ANPEP: variants seen among roughly 807,000 people sequenced by gnomAD.
The protein encoded by ANPEP is aminopeptidase N.
Under a neutral mutation model 114.6 loss-of-function variants are expected in ANPEP, and 70 were observed. That is an observed-to-expected ratio of 0.61 (90% CI 0.50 to 0.75). ANPEP has a LOEUF of 0.75. ANPEP is among the 30% of genes least tolerant of loss of function. The pLI is 0.00. For synonymous variants in ANPEP, 548 were observed against 522.3 expected, an observed-to-expected ratio of 1.05 and a Z score of -0.67; for missense variants, 1,184 against 1,259.5, an observed-to-expected ratio of 0.94 and a Z score of 0.91.
intron 1 of ANPEP, among the ~76,000 whole-genome samples, chr15:89,813,998 G>GGC (rs1555442963): frequency 6.7e-6 from 1 of 149,068 alleles, no homozygotes; most frequent in African/African-American, 2.5e-5. Context: ...TGCTGGGGGG[G>GGC]GGGGGTGCGT....
At chr15:89,812,457 G>C (rs1226289607) in intron 1 of ANPEP, among the ~76,000 whole-genome samples, 1 of 152,236 alleles carries the variant, frequency 6.6e-6, no homozygotes, top group East Asian at 1.9e-4. Flanking sequence ...CTTCCTCTGG[G>C]AGCCTTGGAC....
Position 89,790,511 on chromosome 15 carries a change from G to A in ANPEP, c.2700C>T (p.Asn900=). ...ATCGTCGTGTCACTGCCTGGATGAG[G>A]TTGGAGAAGGAGAACGAGCCACCAC... ...DYGGGSFSFS[N]LIQAVTRRFS... Residue 900 remains asparagine (N), a synonymous_variant, in exon 20 of 21, where the codon AAC becomes AAT. Coordinates refer to ENST00000300060, the MANE Select transcript of ANPEP (RefSeq NM_001150.3). 6.2e-7 allele frequency: 1 copy of A among 1,614,098 alleles called. No individual in the cohort carries two copies. Among genetic ancestry groups the A allele is most frequent in the South Asian group, 1.1e-5 (1 of 91,086 alleles).
In ANPEP at chr15:89,803,591, C is replaced by G; in HGVS notation, c.1437+56G>C. 1.2e-6 allele frequency: 2 copies of G among 1,601,122 alleles called. No individual in the cohort carries two copies. Among genetic ancestry groups the G allele is most frequent in the Non-Finnish European group, 1.7e-6 (2 of 1,173,564 alleles). On this transcript the variant is annotated intron_variant, in intron 8 of 20. Coordinates refer to ENST00000300060, the MANE Select transcript of ANPEP (RefSeq NM_001150.3). The surrounding 1 kb of genome is among the most constrained non-coding windows in gnomAD (Gnocchi z 4.2). ...CCCCAGACCCTGCCTTCAGTGAGGC[C>G]CCTCCAGGCCAAGTCCCCACCTCCT...
At chr15:89,785,841 T>G (rs779595351) in intron 20 of ANPEP, among the ~76,000 whole-genome samples, 68 of 152,056 alleles carry the variant, frequency 4.5e-4, no homozygotes, top group Non-Finnish European at 8.1e-4. Flanking sequence ...CCACAAATGA[T>G]CCAGTTGCTT....
In ANPEP at chr15:89,803,827, G is replaced by C. The variant is rs1894648517; in HGVS notation, c.1294-37C>G. 1 of 1,612,120 alleles carries C rather than the reference G, an allele frequency of 6.2e-7. No homozygotes were observed. Among genetic ancestry groups the C allele is most frequent in the African/African-American group, 1.3e-5 (1 of 75,002 alleles). On this transcript the variant is annotated intron_variant, in intron 7 of 20. Coordinates refer to ENST00000300060, the MANE Select transcript of ANPEP (RefSeq NM_001150.3). The surrounding 1 kb of genome is among the most constrained non-coding windows in gnomAD (Gnocchi z 4.2). ...CCAGGGCCATCAGGAGACTGGCCTG[G>C]TAGCGGTGGCCCAGGTCTCCCTCCA... is the stretch of plus-strand genomic sequence containing the variant.
chr15:89,808,492 G>C (rs1168936212), intron 1 of ANPEP, among the ~76,000 whole-genome samples: 1 of 152,242 alleles, frequency 6.6e-6, no homozygotes, highest in Non-Finnish European at 1.5e-5. Flanking sequence ...TCATTACTGA[G>C]ATGTTGAGTG....
At chr15:89,796,078 T>G (rs1218609264) in intron 15 of ANPEP, among the ~76,000 whole-genome samples, 1 of 152,166 alleles carries the variant, frequency 6.6e-6, no homozygotes, top group Non-Finnish European at 1.5e-5. Flanking sequence ...CAAAAGAGCA[T>G]GGTGGTGCAC....
At chr15:89,791,654 T>A (rs1317736687) in intron 18 of ANPEP, among the ~76,000 whole-genome samples, 1 of 151,008 alleles carries the variant, frequency 6.6e-6, no homozygotes, top group South Asian at 2.1e-4. Flanking sequence ...GGTTTCTCCA[T>A]GTTGGCCAGG....
At chr15:89,790,662 C>T (rs1391791516) in intron 19 of ANPEP, 121 bp from the exon 20 acceptor site, 2 of 915,480 alleles carry the variant, frequency 2.2e-6, no homozygotes, top group East Asian at 2.6e-5. Flanking sequence ...CCTGGGAGAC[C>T]CCACTAGGAT....
intron 12 of ANPEP, 57 bp downstream of exon 12, chr15:89,801,054 G>T: frequency 1.7e-5 from 25 of 1,506,842 alleles, no homozygotes; most frequent in East Asian, 2.3e-5. Flanking sequence ...CAGAACATGG[G>T]CCAGGAGCTA....
intron 1 of ANPEP, among the ~76,000 whole-genome samples, chr15:89,813,582 C>T (rs1302065492): frequency 2.0e-5 from 3 of 152,156 alleles, no homozygotes; most frequent in African/African-American, 7.2e-5. Context: ...GGGCCCAGCA[C>T]ACCCTCCCAC....
intron 1 of ANPEP, among the ~76,000 whole-genome samples, chr15:89,808,838 G>A (rs8041622): frequency 0.12 from 18,935 of 152,270 alleles, 1,898 homozygotes; most frequent in African/African-American, 0.28. Flanking sequence ...GAAGGGACAC[G>A]TGGATTAGTT....
chr15:89,792,285 G>A lies in ANPEP; in HGVS notation c.2403C>T (p.Ile801=), dbSNP rs1357469969. Residue 801 remains isoleucine (I), a synonymous_variant, in exon 18 of 21, where the codon ATC becomes ATT. Transcript: ENST00000300060. ...NLRSTVYCNA[I]AQGGEEEWDF... ...CCCACTCCTCCTCCCCGCCCTGGGC[G>A]ATAGCGTTGCAGTAGACGGTGGACC... 26 of 1,614,140 alleles carry A rather than the reference G, an allele frequency of 1.6e-5. No homozygotes were observed. Among genetic ancestry groups the A allele is most frequent in the South Asian group, 3.3e-5 (3 of 91,092 alleles).
rs747191421 is a variant in ANPEP at position 89,785,446 on chromosome 15, G to A, written c.2807C>T (p.Ala936Val). 1 of 1,614,106 alleles carries A rather than the reference G, an allele frequency of 6.2e-7. No homozygotes were observed. Among genetic ancestry groups the A allele is most frequent in the South Asian group, 1.1e-5 (1 of 91,076 alleles). ...EETGFGSGTR[A>V]LEQALEKTKA... Reference sequence around the variant, plus strand: ...CGTCTTCTCCAGGGCTTGCTCCAGGGCCCGGGTGCCTGAGCCGAAGCCTGT... The same window carrying A: ...CGTCTTCTCCAGGGCTTGCTCCAGGACCCGGGTGCCTGAGCCGAAGCCTGT... Residue 936 changes from alanine (A) to valine (V), a missense_variant, in exon 21 of 21, where the codon GCC becomes GTC. Coordinates refer to ENST00000300060, the MANE Select transcript of ANPEP (RefSeq NM_001150.3).
chr15:89,804,927 C>T, intron 4 of ANPEP, 151 bp downstream of exon 4: 1 of 1,156,106 alleles, frequency 8.6e-7, no homozygotes. Context: ...AATGGAGAAC[C>T]AGAGAACAAG....
At chr15:89,795,684 C>A (rs76564627) in intron 15 of ANPEP, among the ~76,000 whole-genome samples, 6 of 152,180 alleles carry the variant, frequency 3.9e-5, no homozygotes, top group African/African-American at 1.2e-4. Context: ...CTCAGCTGAA[C>A]GCTCAATCCA....
rs1417039108 is a variant in ANPEP at position 89,793,410 on chromosome 15, T to G, written c.2158-284A>C. ...GTTTTCCCTACACAATCATAAATAT[T>G]CCATGAGTTGCTGGGCGCAGTGGCT... On this transcript the variant is annotated intron_variant, in intron 15 of 20. Coordinates refer to ENST00000300060, the MANE Select transcript of ANPEP (RefSeq NM_001150.3). 2.6e-5 allele frequency among the ~76,000 whole-genome samples: 4 copies of G among 152,248 alleles called. No individual in the cohort carries two copies. The East Asian group carries it at 7.7e-4, about 29-fold the overall frequency.
At chr15:89,790,653 C>T in intron 19 of ANPEP, 112 bp from the exon 20 acceptor site, 1 of 976,846 alleles carries the variant, frequency 1.0e-6, no homozygotes, top group Non-Finnish European at 1.6e-6. Context: ...ATGACACGCC[C>T]TGGGAGACCC....
intron 15 of ANPEP, among the ~76,000 whole-genome samples, chr15:89,794,254 C>T (rs1047545035): frequency 3.9e-5 from 6 of 152,186 alleles, no homozygotes; most frequent in African/African-American, 1.2e-4. Context: ...GAGGCTGAGG[C>T]GGGCGGATCA....
Sources: allele counts gnomAD v4.1 joint callset (sites outside exome capture counted in the v4.1 genomes callset), GRCh38; gene constraint gnomAD v4.1.1; non-coding constraint Gnocchi (gnomAD v3.1); transcripts MANE v1.5; gene names NCBI Gene and HGNC (gene_info 2026-07-23, HGNC 2026-07-21).